SIPA1L2: variants seen among roughly 807,000 people sequenced by gnomAD.
SIPA1L2 encodes signal induced proliferation associated 1 like 2, also known as signal-induced proliferation-associated 1-like protein 2.
In SIPA1L2, 56 loss-of-function variants were observed where a neutral mutation model predicts 163.9. That is an observed-to-expected ratio of 0.34 (90% CI 0.28 to 0.43). The LOEUF is 0.43. Among genes scored for constraint, SIPA1L2 ranks in the 20% least tolerant of loss-of-function variants. SIPA1L2 has a pLI of 1.00. For missense variants in SIPA1L2, 1,974 were observed against 2,193.5 expected, an observed-to-expected ratio of 0.90 and a Z score of 2.00; for synonymous variants, 877 against 865.7, an observed-to-expected ratio of 1.01 and a Z score of -0.23.
At position 232,465,202 on chromosome 1, in the gene SIPA1L2, C is replaced by T. The variant is rs570763556; in HGVS notation, c.2458G>A (p.Ala820Thr). ...AACTTCACAGAGGTATCCACGGTGG[C>T]GGTTGTGACAAAGTTCTCCGCCAGA... is the stretch of plus-strand genomic sequence containing the variant. ...KDLAENFVTT[A>T]TVDTSVKFSF... Residue 820 changes from alanine to threonine, a missense_variant, in exon 9 of 23, where the codon GCC (alanine) becomes ACC (threonine). Coordinates refer to ENST00000674635, the MANE Select transcript of SIPA1L2 (RefSeq NM_020808.5). The surrounding 1 kb of genome is among the most constrained non-coding windows in gnomAD (Gnocchi z 4.1). 8 of 1,614,140 alleles carry T rather than the reference C, an allele frequency of 5.0e-6. No individual in the cohort carries two copies. Among genetic ancestry groups the T allele is most frequent in the Middle Eastern group, 1.6e-4 (1 of 6,062 alleles).
At chr1:232,561,826 A>C (rs1182707144) in intron 2 of SIPA1L2, among the ~76,000 whole-genome samples, 1 of 152,194 alleles carries the variant, frequency 6.6e-6, no homozygotes, top group Non-Finnish European at 1.5e-5. Context: ...CAGGAGCAGG[A>C]GAGAGGGATA....
intron 1 of SIPA1L2, among the ~76,000 whole-genome samples, chr1:232,594,585 G>A (rs754931148): frequency 6.6e-5 from 10 of 151,954 alleles, no homozygotes; most frequent in Non-Finnish European, 1.5e-4. Context: ...CAAATATCTT[G>A]GGACCAGTGC....
In SIPA1L2 at chr1:232,542,173, C is replaced by A. The variant is rs140627559; in HGVS notation, c.-269-26565G>T. On this transcript the variant is annotated intron_variant, in intron 2 of 22. Coordinates refer to ENST00000674635, the MANE Select transcript of SIPA1L2 (RefSeq NM_020808.5). ...ATGTAACCCTGGGAAAGTCGCTTCG[C>A]GATATATACTAATTTCTCTTCTGTC... Among the ~76,000 whole-genome samples the A allele has an allele frequency of 4.1e-3, 623 of 152,238 alleles. 2 individuals carry two copies. Among genetic ancestry groups the A allele is most frequent in the Non-Finnish European group, 6.1e-3 (418 of 68,006 alleles).
At chr1:232,539,226 A>T (rs1324539007) in intron 2 of SIPA1L2, among the ~76,000 whole-genome samples, 2 of 152,212 alleles carry the variant, frequency 1.3e-5, no homozygotes, top group Non-Finnish European at 2.9e-5. Flanking sequence ...CCCTTGGGGT[A>T]GGGTCTTATC....
chr1:232,490,871 C>T lies in SIPA1L2; in HGVS notation c.1806+3G>A, dbSNP rs779772835. 6.2e-6 allele frequency: 10 copies of T among 1,611,826 alleles called. No individual in the cohort carries two copies. The highest frequency in any genetic ancestry group is 7.6e-6 in the Non-Finnish European group (9 of 1,179,064). On this transcript the variant is annotated splice_donor_region_variant and intron_variant, in intron 5 of 22. Transcript: ENST00000674635. Reference sequence around the variant, plus strand: ...CAAACATACAATCTCACATTATACACACCCCTTGTTCATCAAGCTTGAGCA... The same window carrying T: ...CAAACATACAATCTCACATTATACATACCCCTTGTTCATCAAGCTTGAGCA...
intron 19 of SIPA1L2, among the ~76,000 whole-genome samples, chr1:232,415,094 T>C (rs12025744): frequency 0.47 from 71,866 of 152,050 alleles, 17,536 homozygotes; most frequent in East Asian, 0.67. Context: ...GGCCTGTGCT[T>C]GTCCGGCGAA....
At chr1:232,616,638 C>T (rs1662514521) in intron 1 of SIPA1L2, among the ~76,000 whole-genome samples, 2 of 152,186 alleles carry the variant, frequency 1.3e-5, no homozygotes, top group Non-Finnish European at 2.9e-5. Flanking sequence ...TGGGCTGTCA[C>T]CCTAGAAAGA....
intron 11 of SIPA1L2, among the ~76,000 whole-genome samples, chr1:232,444,719 T>C (rs1663105767): frequency 6.6e-6 from 1 of 152,220 alleles, no homozygotes; most frequent in Non-Finnish European, 1.5e-5. Flanking sequence ...GTTTGTCAGA[T>C]GAAGAAACTG....
In SIPA1L2 at chr1:232,405,210, C is replaced by A. The variant is rs371495405; in HGVS notation, c.4763-1032G>T. 2.8e-4 allele frequency among the ~76,000 whole-genome samples: 43 copies of A among 152,340 alleles called. No individual in the cohort carries two copies. In the East Asian group the frequency reaches 7.3e-3, roughly 26 times the overall value. Reference sequence around the variant, plus strand: ...GCACCGTCAGTGCCCTGACAGAGGCCTGGGCCCTCCTGAGTGCACCCAGCT... The same window carrying A: ...GCACCGTCAGTGCCCTGACAGAGGCATGGGCCCTCCTGAGTGCACCCAGCT... On this transcript the variant is annotated intron_variant, in intron 19 of 22. Coordinates refer to ENST00000674635, the MANE Select transcript of SIPA1L2 (RefSeq NM_020808.5).
chr1:232,446,737 T>C (rs936974231), intron 10 of SIPA1L2, among the ~76,000 whole-genome samples: 1 of 152,268 alleles, frequency 6.6e-6, no homozygotes, highest in Non-Finnish European at 1.5e-5. Flanking sequence ...ATGAGATTTA[T>C]CTTCCTGAAA....
intron 15 of SIPA1L2, among the ~76,000 whole-genome samples, chr1:232,433,173 T>C (rs1452146045): frequency 6.6e-6 from 1 of 152,180 alleles, no homozygotes; most frequent in Non-Finnish European, 1.5e-5. Context: ...AGTAGAAGGA[T>C]ATTCGATTAA....
chr1:232,449,725 T>C (rs1259000143), intron 10 of SIPA1L2, among the ~76,000 whole-genome samples: 1 of 144,418 alleles, frequency 6.9e-6, no homozygotes, highest in Admixed American at 6.8e-5. Flanking sequence ...TAAAAAATGG[T>C]CCACATGAAA....
At chr1:232,501,159 G>C (rs59001739) in intron 3 of SIPA1L2, among the ~76,000 whole-genome samples, 42,047 of 144,000 alleles carry the variant, frequency 0.29, 6,808 homozygotes, top group African/African-American at 0.45. Flanking sequence ...CCAGGTTCAC[G>C]ACGTTCTCCT....
chr1:232,425,142 A>C (rs1251141505), intron 18 of SIPA1L2, among the ~76,000 whole-genome samples: 1 of 152,196 alleles, frequency 6.6e-6, no homozygotes. Context: ...CCCGAGGCAC[A>C]CGTGCCACCT....
intron 18 of SIPA1L2, among the ~76,000 whole-genome samples, chr1:232,417,038 A>C (rs1661304894): frequency 6.6e-6 from 1 of 152,140 alleles, no homozygotes; most frequent in African/African-American, 2.4e-5. Context: ...AACACATCTG[A>C]CTAATTAGAC....
intron 19 of SIPA1L2, among the ~76,000 whole-genome samples, chr1:232,413,352 C>T (rs943522743): frequency 6.6e-6 from 1 of 152,184 alleles, no homozygotes; most frequent in African/African-American, 2.4e-5. Context: ...TGACCGAAAT[C>T]CCTAAATTGA....
At chr1:232,572,431 A>C (rs1659784455) in intron 2 of SIPA1L2, among the ~76,000 whole-genome samples, 1 of 151,974 alleles carries the variant, frequency 6.6e-6, no homozygotes, top group African/African-American at 2.4e-5. Flanking sequence ...TTTCATTAGC[A>C]CTTCAGCCAA....
intron 1 of SIPA1L2, among the ~76,000 whole-genome samples, chr1:232,610,539 G>C (rs962301649): frequency 5.3e-5 from 8 of 152,228 alleles, no homozygotes; most frequent in Admixed American, 5.2e-4. Context: ...AATTCTAAGA[G>C]ATCTTGATAA....
At chr1:232,517,684 A>C (rs981416372) in intron 2 of SIPA1L2, among the ~76,000 whole-genome samples, 5 of 152,208 alleles carry the variant, frequency 3.3e-5, no homozygotes, top group Admixed American at 6.5e-5. Flanking sequence ...GATGAAATTA[A>C]AGTTACAAAA....
Sources: allele counts gnomAD v4.1 joint callset (sites outside exome capture counted in the v4.1 genomes callset), GRCh38; gene constraint gnomAD v4.1.1; non-coding constraint Gnocchi (gnomAD v3.1); transcripts MANE v1.5; gene names NCBI Gene and HGNC (gene_info 2026-07-23, HGNC 2026-07-21).